Variants in B3GALT9 observed in about 807,000 individuals in gnomAD.
B3GALT9 encodes the protein beta-1,3-galactosyltransferase 9, also known as UDP-GlcNAc:betaGal beta-1,3-N-acetylglucosaminyltransferase 10 (putative).
intron 1 of B3GALT9, among the ~76,000 whole-genome samples, chr9:120,794,227 C>A (rs1305082118): frequency 6.6e-6 from 1 of 152,170 alleles, no homozygotes; most frequent in Non-Finnish European, 1.5e-5. Context: ...TTATTAGGCC[C>A]CTTTTTAGAG....
chr9:120,799,859 A>G lies in B3GALT9; in HGVS notation c.*181A>G. The G allele has an allele frequency of 2.6e-6, 1 of 390,946 alleles. No individual in the cohort carries two copies. Among genetic ancestry groups the G allele is most frequent in the East Asian group, 3.6e-5 (1 of 27,496 alleles). 24.2% of individuals were successfully genotyped at this position (390,946 alleles called of 1,614,324 possible). ...AATTACTGAGATCTCAAATTTTTAA[A>G]AAATTTAAGTTGGTGTAGCATAATT... is the stretch of plus-strand genomic sequence containing the variant. On this transcript the variant is annotated 3_prime_UTR_variant, in exon 3 of 3. Transcript: ENST00000689072.
chr9:120,795,470 G>A (rs576603035), intron 1 of B3GALT9, among the ~76,000 whole-genome samples: 10 of 152,294 alleles, frequency 6.6e-5, no homozygotes, highest in South Asian at 4.1e-4. Flanking sequence ...CAAAGTGGAC[G>A]TAATATTTAA....
At chr9:120,794,061 C>G (rs1275924643) in intron 1 of B3GALT9, 139 bp downstream of exon 1, 1 of 162,260 alleles carries the variant, frequency 6.2e-6, no homozygotes, top group Non-Finnish European at 1.3e-5. Flanking sequence ...AGTGAGGTCC[C>G]CATCCGAAGG....
At chr9:120,794,494 A>G (rs1347206820) in intron 1 of B3GALT9, among the ~76,000 whole-genome samples, 1 of 146,892 alleles carries the variant, frequency 6.8e-6, no homozygotes, top group Non-Finnish European at 1.5e-5. Context: ...GCGTGTCACC[A>G]TGCCCAGCTA....
chr9:120,799,950 G>GTTTTT lies in B3GALT9; in HGVS notation c.*280_*284dup, dbSNP rs5900461. 1.2e-5 allele frequency: 2 copies of GTTTTT among 170,606 alleles called. No homozygotes were observed. Among genetic ancestry groups the GTTTTT allele is most frequent in the African/African-American group, 2.4e-5 (1 of 40,902 alleles). 10.6% of individuals were successfully genotyped at this position (170,606 alleles called of 1,614,324 possible). Reference sequence around the variant, plus strand: ...ATGTTTCATTGTTTATTTAGTTTTCGTTTTTTTTTTTTCTTTTGAGACAGG... The same window carrying GTTTTT: ...ATGTTTCATTGTTTATTTAGTTTTCGTTTTTTTTTTTTTTTTTCTTTTGAGACAGG... On this transcript the variant is annotated 3_prime_UTR_variant, in exon 3 of 3. Transcript: ENST00000689072.
rs2044962869 is a variant in B3GALT9 at position 120,800,281 on chromosome 9, C to T, written c.*603C>T. Among the ~76,000 whole-genome samples, 1 of 151,734 alleles carries T rather than the reference C, an allele frequency of 6.6e-6. No homozygotes were observed. The highest frequency in any genetic ancestry group is 1.5e-5 in the Non-Finnish European group (1 of 67,920). On this transcript the variant is annotated 3_prime_UTR_variant, in exon 3 of 3. Transcript: ENST00000689072. ...TACAGGTGCCTGCCACCACGCCTGG[C>T]TAATTTTTGGTATTTTTAGTAGAGG...
chr9:120,799,398 G>C lies in B3GALT9; in HGVS notation c.830G>C (p.Cys277Ser), dbSNP rs2044957557. The C allele has an allele frequency of 2.5e-6, 1 of 399,136 alleles. No homozygotes were observed. Among genetic ancestry groups the C allele is most frequent in the Non-Finnish European group, 4.4e-6 (1 of 226,138 alleles). The allele number at this position is 399,136 out of a possible 1,614,324, so 24.7% of individuals were successfully genotyped here. A position where few individuals can be genotyped will look rare whatever the true frequency, so the allele number is the denominator to read the frequency against. Residue 277 changes from cysteine to serine, a missense_variant, in exon 3 of 3, where the codon TGT becomes TCT. Physicochemically the swap from Cys to Ser is moderately radical, Grantham distance 112. Coordinates refer to ENST00000689072, the MANE Select transcript of B3GALT9 (RefSeq NM_001386823.1). ...CCAGCTGATGTGTTTGTAGGAATTT[G>C]TGCTAAGTTCATTGGCCTTATACCC... Reference protein sequence around the residue: ...MVPADVFVGICAKFIGLIPIH... With the variant: ...MVPADVFVGISAKFIGLIPIH...
Position 120,799,125 on chromosome 9 carries a change from C to T in B3GALT9, c.557C>T (p.Thr186Met), listed in dbSNP as rs768424714. ...ALFILKVDEE[T>M]FVNLPSLVDY... The stretch of plus-strand genomic sequence containing the variant: ...TTCATTCTCAAGGTGGATGAAGAGA[C>T]GTTTGTCAATCTACCAAGCTTGGTA... Residue 186 changes from threonine to methionine, a missense_variant, in exon 3 of 3, where the codon ACG becomes ATG. By Grantham distance (81) the Thr-to-Met change is moderately conservative. Transcript: ENST00000689072. 7.5e-6 allele frequency: 3 copies of T among 398,800 alleles called. No homozygotes were observed. The highest frequency in any genetic ancestry group is 3.6e-5 in the East Asian group (1 of 28,092). The allele number at this position is 398,800 out of a possible 1,614,324, so 24.7% of individuals were successfully genotyped here. A position where few individuals can be genotyped will look rare whatever the true frequency, so the allele number is the denominator to read the frequency against.
Position 120,801,614 on chromosome 9 carries a change from C to T in B3GALT9, c.*1936C>T, listed in dbSNP as rs373855709. ...AATTAGCTGGACCCGGTGGTACGTGCCTGTAATCCCAGCTACGCGGGAGGC... is the reference window on the plus strand; with the variant it reads ...AATTAGCTGGACCCGGTGGTACGTGTCTGTAATCCCAGCTACGCGGGAGGC... On this transcript the variant is annotated 3_prime_UTR_variant, in exon 3 of 3. Coordinates refer to ENST00000689072, the MANE Select transcript of B3GALT9 (RefSeq NM_001386823.1). 2.0e-5 allele frequency among the ~76,000 whole-genome samples: 3 copies of T among 152,282 alleles called. No individual in the cohort carries two copies. In the East Asian group the frequency reaches 5.8e-4, roughly 29 times the overall value.
rs1234449309 is a variant in B3GALT9 at position 120,800,661 on chromosome 9, A to T, written c.*983A>T. 2.0e-5 allele frequency among the ~76,000 whole-genome samples: 3 copies of T among 152,160 alleles called. No individual in the cohort carries two copies. Among genetic ancestry groups the T allele is most frequent in the Non-Finnish European group, 4.4e-5 (3 of 68,026 alleles). ...GTACAACATGTTTTGATATATGTAT[A>T]TGTTATAGAATGGCTAAATCAAGCT... On this transcript the variant is annotated 3_prime_UTR_variant, in exon 3 of 3. Transcript: ENST00000689072.
In B3GALT9 at chr9:120,793,506, T is replaced by TGGAGGCC. The variant is rs1019729905; in HGVS notation, c.-595_-589dup. 2.8e-5 allele frequency: 11 copies of TGGAGGCC among 399,560 alleles called. No homozygotes were observed. The highest frequency in any genetic ancestry group is 1.3e-4 in the South Asian group (1 of 7,940). 24.8% of individuals were successfully genotyped at this position (399,560 alleles called of 1,614,324 possible). A position where few individuals can be genotyped will look rare whatever the true frequency, so the allele number is the denominator to read the frequency against. On this transcript the variant is annotated 5_prime_UTR_variant, in exon 1 of 3. Transcript: ENST00000689072. ...CGCCCGGAGGTGGGTGGTGGGAGGC[T>TGGAGGCC]GGAGGCCGGGAGTAGGGGTGGGGAG... is the stretch of plus-strand genomic sequence containing the variant.
In B3GALT9 at chr9:120,793,560, C is replaced by G. The variant is rs185282783; in HGVS notation, c.-544C>G. The G allele has an allele frequency of 7.2e-5, 29 of 400,268 alleles. 1 individual carries two copies. In the Middle Eastern group the frequency reaches 1.9e-3, roughly 26 times the overall value. 24.8% of individuals were successfully genotyped at this position (400,268 alleles called of 1,614,324 possible). ...AGCGTCCCGGGAAGCTGAACGCGTG[C>G]CGCGCGGCCCTCACGGTGCTTAGGC... is the stretch of plus-strand genomic sequence containing the variant. On this transcript the variant is annotated 5_prime_UTR_variant, in exon 1 of 3. Coordinates refer to ENST00000689072, the MANE Select transcript of B3GALT9 (RefSeq NM_001386823.1).
chr9:120,799,467 A>ACT lies in B3GALT9; in HGVS notation c.900_901insTC (p.Arg301SerfsTer21), dbSNP rs962907972. The ACT allele has an allele frequency of 4.0e-5, 16 of 399,260 alleles. No individual in the cohort carries two copies. Among genetic ancestry groups the ACT allele is most frequent in the Non-Finnish European group, 7.1e-5 (16 of 226,134 alleles). The allele number at this position is 399,260 out of a possible 1,614,324, so 24.7% of individuals were successfully genotyped here. A position where few individuals can be genotyped will look rare whatever the true frequency, so the allele number is the denominator to read the frequency against. ...TCTGGGAAAAGGCACATTAGATACAACAGATGTTGCTATAAGTTCATTTTT... is the reference window on the plus strand; with the variant it reads ...TCTGGGAAAAGGCACATTAGATACAACTCAGATGTTGCTATAAGTTCATTTTT... On this transcript the variant is annotated frameshift_variant, in exon 3 of 3. Coordinates refer to ENST00000689072, the MANE Select transcript of B3GALT9 (RefSeq NM_001386823.1). LOFTEE classifies it high-confidence loss of function.
At chr9:120,795,744 C>G (rs2044935156) in intron 1 of B3GALT9, among the ~76,000 whole-genome samples, 1 of 152,156 alleles carries the variant, frequency 6.6e-6, no homozygotes, top group African/African-American at 2.4e-5. Context: ...GAAAAGAATG[C>G]TCAGTATAAT....
At chr9:120,797,457 G>T (rs1016785498) in intron 2 of B3GALT9, among the ~76,000 whole-genome samples, 1 of 151,098 alleles carries the variant, frequency 6.6e-6, no homozygotes, top group Non-Finnish European at 1.5e-5. Flanking sequence ...AGTGAGCCAA[G>T]ATCGCACCAC....
In B3GALT9 at chr9:120,801,053, C is replaced by A. The variant is rs1310530409; in HGVS notation, c.*1375C>A. ...TTGTTGGAAATGACAGGATTTCTTT[C>A]ATTTATAAGGCTGAATAGCATTTTA... is the stretch of plus-strand genomic sequence containing the variant. On this transcript the variant is annotated 3_prime_UTR_variant, in exon 3 of 3. Transcript: ENST00000689072. Among the ~76,000 whole-genome samples, 1 of 152,218 alleles carries A rather than the reference C, an allele frequency of 6.6e-6. No individual in the cohort carries two copies. The highest frequency in any genetic ancestry group is 1.5e-5 in the Non-Finnish European group (1 of 68,036).
intron 1 of B3GALT9, among the ~76,000 whole-genome samples, chr9:120,795,968 G>T (rs769001285): frequency 6.6e-6 from 1 of 152,124 alleles, no homozygotes; most frequent in East Asian, 1.9e-4. Context: ...TAGTTTAGAT[G>T]ACTTAAAATT....
chr9:120,801,610 C>T lies in B3GALT9; in HGVS notation c.*1932C>T, dbSNP rs946486584. The stretch of plus-strand genomic sequence containing the variant: ...AAAAAATTAGCTGGACCCGGTGGTA[C>T]GTGCCTGTAATCCCAGCTACGCGGG... On this transcript the variant is annotated 3_prime_UTR_variant, in exon 3 of 3. Coordinates refer to ENST00000689072, the MANE Select transcript of B3GALT9 (RefSeq NM_001386823.1). Among the ~76,000 whole-genome samples the T allele has an allele frequency of 2.4e-4, 37 of 152,122 alleles. No individual in the cohort carries two copies. Among genetic ancestry groups the T allele is most frequent in the African/African-American group, 6.8e-4 (28 of 41,428 alleles).
At position 120,799,155 on chromosome 9, in the gene B3GALT9, A is replaced by G. The variant is rs1193092434; in HGVS notation, c.587A>G (p.Tyr196Cys). Reference sequence around the variant, plus strand: ...GTCAATCTACCAAGCTTGGTAGACTATCTTCTCAATCTGAAAGAACACCTA... The same window carrying G: ...GTCAATCTACCAAGCTTGGTAGACTGTCTTCTCAATCTGAAAGAACACCTA... ...TFVNLPSLVDYLLNLKEHLED... is the reference protein window; with the variant it reads ...TFVNLPSLVDCLLNLKEHLED... The change falls in exon 3 of 3, where the codon TAT becomes TGT. Residue 196 changes from tyrosine (Y) to cysteine (C), a missense_variant. Tyr to Cys is a radical substitution (Grantham distance 194). Transcript: ENST00000689072. 2.5e-6 allele frequency: 1 copy of G among 398,928 alleles called. No homozygotes were observed. The highest frequency in any genetic ancestry group is 2.1e-5 in the African/African-American group (1 of 48,604). 24.7% of individuals were successfully genotyped at this position (398,928 alleles called of 1,614,324 possible).
Sources: gnomAD v4.1 joint callset for allele counts (sites outside exome capture counted in the v4.1 genomes callset) on GRCh38, gnomAD v4.1.1 for gene constraint, MANE v1.5 for transcripts, NCBI Gene and HGNC (gene_info 2026-07-23, HGNC 2026-07-21) for gene names.